The following AGBL1 variants were observed in gnomAD, a reference collection of about 807,000 sequenced individuals.
The protein encoded by AGBL1 is cytosolic carboxypeptidase 4.
A neutral mutation model predicts 118.9 loss-of-function variants in AGBL1; 130 were observed. The ratio of observed to expected loss-of-function variants is 1.09; its 90% CI spans 0.95 to 1.26. The LOEUF (loss-of-function observed/expected upper bound fraction) is 1.26, where lower values mean the gene tolerates loss of function less well. Among genes scored for constraint, AGBL1 ranks in the 50% most tolerant of loss-of-function variants. The pLI is 0.00. For synonymous variants in AGBL1, 555 were observed against 478.9 expected (o/e 1.16, Z -2.08); for missense variants, 1,584 against 1,298.1 (o/e 1.22, Z -3.38).
intron 21 of AGBL1, among the ~76,000 whole-genome samples, chr15:86,574,338 G>A (rs2084052172): frequency 6.6e-6 from 1 of 152,140 alleles, no homozygotes; most frequent in South Asian, 2.1e-4. Flanking sequence ...GAAATGGTGG[G>A]AGAAGCCAGA....
At chr15:86,248,672 G>C (rs2078759809) in intron 7 of AGBL1, among the ~76,000 whole-genome samples, 1 of 152,220 alleles carries the variant, frequency 6.6e-6, no homozygotes, top group South Asian at 2.1e-4. Flanking sequence ...GGAATAATTA[G>C]CAGTGGAATC....
intron 21 of AGBL1, among the ~76,000 whole-genome samples, chr15:86,663,853 G>A (rs1295604226): frequency 8.6e-5 from 13 of 151,952 alleles, no homozygotes; most frequent in Non-Finnish European, 1.6e-4. Context: ...TTATGCATCC[G>A]AAAAAAACAG....
chr15:86,185,409 T>G (rs1444011611), intron 5 of AGBL1, among the ~76,000 whole-genome samples: 1 of 152,176 alleles, frequency 6.6e-6, no homozygotes, highest in Non-Finnish European at 1.5e-5. Flanking sequence ...TTACTGGATA[T>G]ATACCCAAAG....
chr15:86,152,017 G>T (rs1181405828), intron 3 of AGBL1, among the ~76,000 whole-genome samples: 1 of 152,144 alleles, frequency 6.6e-6, no homozygotes, highest in African/African-American at 2.4e-5. Flanking sequence ...CGAGATAAAA[G>T]AGGACACAAA....
intron 22 of AGBL1, among the ~76,000 whole-genome samples, chr15:86,717,350 C>A (rs1465859036): frequency 6.6e-6 from 1 of 152,270 alleles, no homozygotes; most frequent in Admixed American, 6.5e-5. Flanking sequence ...ATGACGATCT[C>A]TTCTAATTGA....
At chr15:86,196,879 GCACA>G (rs59632011) in intron 5 of AGBL1, among the ~76,000 whole-genome samples, 9,953 of 116,884 alleles carry the variant, frequency 0.085, 491 homozygotes, top group Admixed American at 0.13. Flanking sequence ...GCGCGCGCGC[GCACA>G]CACACACACA....
intron 24 of AGBL1, among the ~76,000 whole-genome samples, chr15:87,001,302 G>T (rs1386709284): frequency 6.6e-6 from 1 of 151,862 alleles, no homozygotes; most frequent in Non-Finnish European, 1.5e-5. Context: ...TCCCTGTCTT[G>T]TGCCAGAACT....
At chr15:86,573,389 A>G (rs2084037742) in intron 21 of AGBL1, among the ~76,000 whole-genome samples, 1 of 152,254 alleles carries the variant, frequency 6.6e-6, no homozygotes, top group African/African-American at 2.4e-5. Context: ...ACAGCAGAGT[A>G]TGGAAAGAAG....
intron 24 of AGBL1, among the ~76,000 whole-genome samples, chr15:87,004,589 C>A (rs558025387): frequency 6.6e-6 from 1 of 152,070 alleles, no homozygotes; most frequent in Non-Finnish European, 1.5e-5. Flanking sequence ...TGTCTCTGCA[C>A]GTGAGATGGG....
intron 23 of AGBL1, among the ~76,000 whole-genome samples, chr15:86,973,201 GTTA>G (rs2081129363): frequency 6.6e-6 from 1 of 151,918 alleles, no homozygotes; most frequent in Non-Finnish European, 1.5e-5. Context: ...TATATTAGTT[GTTA>G]TTATTCCTTG....
intron 18 of AGBL1, among the ~76,000 whole-genome samples, chr15:86,487,357 C>T (rs2082726853): frequency 6.6e-6 from 1 of 152,036 alleles, no homozygotes; most frequent in African/African-American, 2.4e-5. Flanking sequence ...AGCCCTAATC[C>T]TGTGTTGCTA....
intron 22 of AGBL1, among the ~76,000 whole-genome samples, chr15:86,865,170 C>A (rs879353086): frequency 6.6e-6 from 1 of 152,164 alleles, no homozygotes; most frequent in Non-Finnish European, 1.5e-5. Flanking sequence ...CACTTTACAT[C>A]ATTTCACTGA....
chr15:86,484,931 A>G (rs905907759), intron 18 of AGBL1, among the ~76,000 whole-genome samples: 3 of 152,174 alleles, frequency 2.0e-5, no homozygotes, highest in African/African-American at 7.2e-5. Flanking sequence ...TACATGCCCC[A>G]CTTTACTTAG....
chr15:86,175,844 G>A (rs1464444301), intron 5 of AGBL1, among the ~76,000 whole-genome samples: 2 of 152,234 alleles, frequency 1.3e-5, no homozygotes, highest in East Asian at 3.9e-4. Context: ...ACTGTGATCT[G>A]AAAAGATACT....
intron 22 of AGBL1, among the ~76,000 whole-genome samples, chr15:86,740,511 CA>C (rs2077662487): frequency 6.6e-6 from 1 of 152,070 alleles, no homozygotes; most frequent in Admixed American, 6.6e-5. Context: ...CAAGATGATC[CA>C]AAATTGTCCC....
intron 19 of AGBL1, among the ~76,000 whole-genome samples, chr15:86,534,873 G>A (rs2083403184): frequency 6.6e-6 from 1 of 152,138 alleles, no homozygotes; most frequent in Admixed American, 6.5e-5. Context: ...ATTGAACAGT[G>A]TTTGCCTCTG....
chr15:86,240,083 A>G (rs967685205), intron 6 of AGBL1, among the ~76,000 whole-genome samples: 1 of 152,218 alleles, frequency 6.6e-6, no homozygotes. Context: ...TGAATCCTAG[A>G]TATGCCACTT....
intron 5 of AGBL1, among the ~76,000 whole-genome samples, chr15:86,218,060 A>G (rs1401557703): frequency 2.0e-5 from 3 of 152,148 alleles, no homozygotes; most frequent in Admixed American, 1.3e-4. Flanking sequence ...GCTTAATTAT[A>G]TTTTCTAATA....
rs763558239 is a variant in AGBL1, at chr15:86,262,805, A to C, written c.997A>C (p.Lys333Gln). ...EDDDLETDVN[K>Q]LSSKPGLDRP... Reference sequence around the variant, plus strand: ...TGATGACTTGGAAACAGACGTGAACAAGCTGAGTTCCAAACCTGGTCTTGA... The same window carrying C: ...TGATGACTTGGAAACAGACGTGAACCAGCTGAGTTCCAAACCTGGTCTTGA... Residue 333 changes from lysine (K) to glutamine (Q), a missense_variant, in exon 10 of 23, where the codon AAG (lysine) becomes CAG (glutamine). Physicochemically the swap from Lys to Gln is moderately conservative, Grantham distance 53. Coordinates refer to ENST00000614907, the MANE Select transcript of AGBL1 (RefSeq NM_001386094.1). 6.2e-7 allele frequency: 1 copy of C among 1,609,874 alleles called. No homozygotes were observed. The highest frequency in any genetic ancestry group is 2.2e-5 in the East Asian group (1 of 44,860).
Sources: gnomAD v4.1 joint callset for allele counts (sites outside exome capture counted in the v4.1 genomes callset) on GRCh38, gnomAD v4.1.1 for gene constraint, MANE v1.5 for transcripts, NCBI Gene and HGNC (gene_info 2026-07-23, HGNC 2026-07-21) for gene names.